Variants in PANX2 observed in about 807,000 individuals in gnomAD.
PANX2 encodes pannexin-2.
PANX2 carries 30 observed loss-of-function variants against 38.7 expected under a neutral mutation model. The ratio of observed to expected loss-of-function variants is 0.78; its 90% CI spans 0.58 to 1.05. The LOEUF (loss-of-function observed/expected upper bound fraction) is 1.05, where lower values mean the gene tolerates loss of function less well. Among genes scored for constraint, PANX2 ranks in the 50% least tolerant of loss-of-function variants. PANX2 has a pLI of 0.00. For synonymous variants in PANX2, 539 were observed against 472.1 expected (o/e 1.14, Z -1.84); for missense variants, 880 against 979.3 (o/e 0.90, Z 1.35).
Position 50,178,166 on chromosome 22 carries a change from A to T in PANX2, c.1454A>T (p.Lys485Met), listed in dbSNP as rs1228483729. The change falls in exon 2 of 3, where the codon AAG becomes ATG. Residue 485 changes from lysine to methionine, a missense_variant. Physicochemically the swap from Lys to Met is moderately conservative, Grantham distance 95. Around this residue, in one of 4 missense-constraint regions of PANX2, gnomAD observed 445 missense variants for 404.3 expected, o/e 1.10. Coordinates refer to ENST00000395842, the MANE Select transcript of PANX2 (RefSeq NM_052839.4). Reference protein sequence around the residue: ...PLLDRSAHHYKGGGGDPGPGP... With the variant: ...PLLDRSAHHYMGGGGDPGPGP... ...CTGGACCGCTCCGCCCACCACTACA[A>T]GGGCGGAGGGGGCGACCCGGGCCCC... 6.7e-7 allele frequency: 1 copy of T among 1,499,898 alleles called. No individual in the cohort carries two copies. The highest frequency in any genetic ancestry group is 8.8e-7 in the Non-Finnish European group (1 of 1,134,786). The allele number at this position is 1,499,898 out of a possible 1,614,324, so 92.9% of individuals were successfully genotyped here. A position where few individuals can be genotyped will look rare whatever the true frequency, so the allele number is the denominator to read the frequency against.
At position 50,179,413 on chromosome 22, in the gene PANX2, G is replaced by C. The variant is rs1435235764; in HGVS notation, c.*136G>C. The C allele has an allele frequency of 3.8e-6, 3 of 779,694 alleles. No homozygotes were observed. Among genetic ancestry groups the C allele is most frequent in the African/African-American group, 3.5e-5 (2 of 57,156 alleles). 48.3% of individuals were successfully genotyped at this position (779,694 alleles called of 1,614,324 possible). On this transcript the variant is annotated 3_prime_UTR_variant, in exon 3 of 3. Coordinates refer to ENST00000395842, the MANE Select transcript of PANX2 (RefSeq NM_052839.4). ...CTGCGCGCATCCCCAACCTCTGTCC[G>C]CATGCCTGGGGCCTTCGCCCCCACG... is the stretch of plus-strand genomic sequence containing the variant.
chr22:50,173,232 C>T (rs543259097), intron 1 of PANX2, among the ~76,000 whole-genome samples: 1 of 152,282 alleles, frequency 6.6e-6, no homozygotes, highest in African/African-American at 2.4e-5. Context: ...GGGGTTTTGC[C>T]ATGTTGGCCA....
Position 50,177,926 on chromosome 22 carries a change from T to C in PANX2, c.1214T>C (p.Val405Ala). The change falls in exon 2 of 3, where the codon GTG becomes GCG. Residue 405 changes from valine (V) to alanine (A), a missense_variant. Val to Ala is a moderately conservative substitution (Grantham distance 64). Around this residue, in one of 4 missense-constraint regions of PANX2, gnomAD observed 445 missense variants for 404.3 expected, o/e 1.10. Coordinates refer to ENST00000395842, the MANE Select transcript of PANX2 (RefSeq NM_052839.4). ...GTGCGCGACTCGGGGGTGCAGACCG[T>C]GGACCCCAGCGCCAACCCCGCCGAG... is the stretch of plus-strand genomic sequence containing the variant. Reference protein sequence around the residue: ...PTVRDSGVQTVDPSANPAEPD... With the variant: ...PTVRDSGVQTADPSANPAEPD... 5 of 1,531,142 alleles carry C rather than the reference T, an allele frequency of 3.3e-6. No homozygotes were observed. The highest frequency in any genetic ancestry group is 4.4e-6 in the Non-Finnish European group (5 of 1,143,122). 94.8% of individuals were successfully genotyped at this position (1,531,142 alleles called of 1,614,324 possible).
At position 50,179,866 on chromosome 22, in the gene PANX2, C is replaced by T. The variant is rs947347384; in HGVS notation, c.*589C>T. On this transcript the variant is annotated 3_prime_UTR_variant, in exon 3 of 3. Coordinates refer to ENST00000395842, the MANE Select transcript of PANX2 (RefSeq NM_052839.4). ...TGACAGACATTTTATTTTACTAAGACTGCTGTACCGAACAAGCATATTTAT... is the reference window on the plus strand; with the variant it reads ...TGACAGACATTTTATTTTACTAAGATTGCTGTACCGAACAAGCATATTTAT... 1.9e-5 allele frequency: 3 copies of T among 156,896 alleles called. No individual in the cohort carries two copies. The highest frequency in any genetic ancestry group is 1.2e-4 in the Admixed American group (2 of 16,268). 9.7% of individuals were successfully genotyped at this position (156,896 alleles called of 1,614,324 possible).
intron 1 of PANX2, 23 bp downstream of exon 1, chr22:50,170,979 G>C: frequency 1.4e-6 from 2 of 1,389,200 alleles, no homozygotes; most frequent in Non-Finnish European, 1.9e-6. Flanking sequence ...GCCGGGGCGC[G>C]GGGCGCGGGC....
intron 1 of PANX2, among the ~76,000 whole-genome samples, chr22:50,174,922 G>A (rs2063653974): frequency 6.6e-6 from 1 of 152,226 alleles, no homozygotes; most frequent in East Asian, 1.9e-4. Flanking sequence ...AGGACCTGCT[G>A]AGGCTGCCAG....
intron 1 of PANX2, among the ~76,000 whole-genome samples, chr22:50,174,305 A>G (rs2063650770): frequency 7.7e-6 from 1 of 130,594 alleles, no homozygotes. Flanking sequence ...TGGGCTGGAG[A>G]TGAGCTTGGG....
intron 1 of PANX2, among the ~76,000 whole-genome samples, chr22:50,174,194 C>T (rs1052007839): frequency 6.6e-6 from 1 of 152,164 alleles, no homozygotes; most frequent in Non-Finnish European, 1.5e-5. Context: ...GGTGTCCCCA[C>T]TCCCCAGGTG....
Position 50,178,190 on chromosome 22 carries a change from C to A in PANX2, c.1478C>A (p.Pro493His). Residue 493 changes from proline to histidine, a missense_variant, in exon 2 of 3, where the codon CCC becomes CAC. Around this residue, in one of 4 missense-constraint regions of PANX2, gnomAD observed 445 missense variants for 404.3 expected, o/e 1.10. Coordinates refer to ENST00000395842, the MANE Select transcript of PANX2 (RefSeq NM_052839.4). Reference protein sequence around the residue: ...HYKGGGGDPGPGPAPAPAPPP... With the variant: ...HYKGGGGDPGHGPAPAPAPPP... The stretch of plus-strand genomic sequence containing the variant: ...AAGGGCGGAGGGGGCGACCCGGGCC[C>A]CGGCCCCGCCCCTGCCCCCGCCCCG... The A allele has an allele frequency of 6.8e-7, 1 of 1,471,702 alleles. No homozygotes were observed. 91.2% of individuals were successfully genotyped at this position (1,471,702 alleles called of 1,614,324 possible).
chr22:50,177,557 C>G lies in PANX2; in HGVS notation c.845C>G (p.Pro282Arg). Reference protein sequence around the residue: ...GPAVRVSCKLPSVQLQRIIAG... With the variant: ...GPAVRVSCKLRSVQLQRIIAG... ...GCGGTGCGCGTGAGCTGCAAGCTCCCGTCCGTGCAACTGCAGCGCATCATC... is the reference window on the plus strand; with the variant it reads ...GCGGTGCGCGTGAGCTGCAAGCTCCGGTCCGTGCAACTGCAGCGCATCATC... Residue 282 changes from proline to arginine, a missense_variant, in exon 2 of 3, where the codon CCG becomes CGG. Pro to Arg is a moderately radical substitution (Grantham distance 103). Around this residue, in one of 4 missense-constraint regions of PANX2, gnomAD observed 114 missense variants for 108.8 expected, o/e 1.05. Coordinates refer to ENST00000395842, the MANE Select transcript of PANX2 (RefSeq NM_052839.4). 2 of 1,612,230 alleles carry G rather than the reference C, an allele frequency of 1.2e-6. No homozygotes were observed. The highest frequency in any genetic ancestry group is 1.7e-6 in the Non-Finnish European group (2 of 1,179,776).
rs554370643 is a variant in PANX2, at chr22:50,178,217, C to T, written c.1505C>T (p.Pro502Leu). The part of the protein sequence containing the change: ...GPGPAPAPAP[P>L]PAPDKKHARH... ...GGCCCCGCCCCTGCCCCCGCCCCGC[C>T]GCCCGCCCCTGACAAGAAGCACGCG... The change falls in exon 2 of 3, where the codon CCG becomes CTG. Residue 502 changes from proline to leucine, a missense_variant. Transcript: ENST00000395842. 1 of 1,471,456 alleles carries T rather than the reference C, an allele frequency of 6.8e-7. No homozygotes were observed. Among genetic ancestry groups the T allele is most frequent in the Non-Finnish European group, 8.9e-7 (1 of 1,121,874 alleles). 91.1% of individuals were successfully genotyped at this position (1,471,456 alleles called of 1,614,324 possible). A position where few individuals can be genotyped will look rare whatever the true frequency, so the allele number is the denominator to read the frequency against.
chr22:50,176,868 G>A lies in PANX2; in HGVS notation c.227-71G>A, dbSNP rs2063663739. ...AGGGGTTCGGCAGGGACGCGGTCAG[G>A]TCCAGCCCGGTTTCTTCAGCCCAGC... is the stretch of plus-strand genomic sequence containing the variant. On this transcript the variant is annotated intron_variant, in intron 1 of 2. Coordinates refer to ENST00000395842, the MANE Select transcript of PANX2 (RefSeq NM_052839.4). The A allele has an allele frequency of 2.1e-6, 3 of 1,430,570 alleles. No homozygotes were observed. The South Asian group carries it at 4.4e-5, about 21-fold the overall frequency. The allele number at this position is 1,430,570 out of a possible 1,614,324, so 88.6% of individuals were successfully genotyped here. A position where few individuals can be genotyped will look rare whatever the true frequency, so the allele number is the denominator to read the frequency against.
In PANX2 at chr22:50,179,669, C is replaced by T. The variant is rs1602404601; in HGVS notation, c.*392C>T. 1 of 207,120 alleles carries T rather than the reference C, an allele frequency of 4.8e-6. No homozygotes were observed. Among genetic ancestry groups the T allele is most frequent in the African/African-American group, 2.4e-5 (1 of 42,282 alleles). The allele number at this position is 207,120 out of a possible 1,614,324, so 12.8% of individuals were successfully genotyped here. A position where few individuals can be genotyped will look rare whatever the true frequency, so the allele number is the denominator to read the frequency against. The stretch of plus-strand genomic sequence containing the variant: ...CCCAACTCCCCCAGCCCAGCTCCCC[C>T]AGCCCAGAGCCAGGGAAGAGGAAGG... On this transcript the variant is annotated 3_prime_UTR_variant, in exon 3 of 3. Coordinates refer to ENST00000395842, the MANE Select transcript of PANX2 (RefSeq NM_052839.4).
chr22:50,179,968 C>A lies in PANX2; in HGVS notation c.*691C>A, dbSNP rs916311376. 5.2e-5 allele frequency: 8 copies of A among 153,154 alleles called. No individual in the cohort carries two copies. The highest frequency in any genetic ancestry group is 1.9e-4 in the African/African-American group (8 of 41,468). The allele number at this position is 153,154 out of a possible 1,614,324, so 9.5% of individuals were successfully genotyped here. A position where few individuals can be genotyped will look rare whatever the true frequency, so the allele number is the denominator to read the frequency against. On this transcript the variant is annotated 3_prime_UTR_variant, in exon 3 of 3. Coordinates refer to ENST00000395842, the MANE Select transcript of PANX2 (RefSeq NM_052839.4). ...ATGAGCAGAGGTGAGCGTGAGCGAG[C>A]GGGTGTGTATGTACGAGTGTGCACG...
chr22:50,172,099 T>A (rs1204644118), intron 1 of PANX2, among the ~76,000 whole-genome samples: 2 of 152,094 alleles, frequency 1.3e-5, no homozygotes, highest in Non-Finnish European at 2.9e-5. Flanking sequence ...CACAGCACAC[T>A]CTGCAGAGCA....
At position 50,179,146 on chromosome 22, in the gene PANX2, C is replaced by G. The variant is rs751270520; in HGVS notation, c.1903C>G (p.Arg635Gly). ...LLHINTLYEA[R>G]EEEDGGPRLP... is the part of the protein sequence containing the mutation. Reference sequence around the variant, plus strand: ...GCACATCAACACGCTGTACGAGGCCCGGGAGGAGGAGGACGGGGGCCCCCG... The same window carrying G: ...GCACATCAACACGCTGTACGAGGCCGGGGAGGAGGAGGACGGGGGCCCCCG... Residue 635 changes from arginine (R) to glycine (G), a missense_variant, in exon 3 of 3, where the codon CGG (arginine) becomes GGG (glycine). Arg to Gly is a moderately radical substitution (Grantham distance 125). Transcript: ENST00000395842. The G allele has an allele frequency of 9.9e-6, 16 of 1,611,358 alleles. No homozygotes were observed. Among genetic ancestry groups the G allele is most frequent in the Middle Eastern group, 3.6e-4 (2 of 5,514 alleles).
intron 1 of PANX2, chr22:50,175,480 T>G (rs1386247620): frequency 6.2e-6 from 8 of 1,290,024 alleles, no homozygotes; most frequent in Admixed American, 2.3e-5. Flanking sequence ...GGACAAAACA[T>G]AAGTAAATAA....
In PANX2 at chr22:50,177,225, C is replaced by T; in HGVS notation, c.513C>T (p.Gly171=). The change falls in exon 2 of 3, where the codon GGC becomes GGT. Residue 171 remains glycine, a synonymous_variant. Coordinates refer to ENST00000395842, the MANE Select transcript of PANX2 (RefSeq NM_052839.4). The part of the protein sequence containing the change: ...IDNCYHRAAE[G]RAPKIEKQIQ... ...ACTGTTACCACCGGGCGGCCGAGGG[C>T]CGCGCGCCCAAGATCGAGAAGCAGA... 1 of 1,611,084 alleles carries T rather than the reference C, an allele frequency of 6.2e-7. No individual in the cohort carries two copies. Among genetic ancestry groups the T allele is most frequent in the Non-Finnish European group, 8.5e-7 (1 of 1,179,126 alleles).
In PANX2 at chr22:50,177,406, G is replaced by A. The variant is rs752889492; in HGVS notation, c.694G>A (p.Val232Met). ...FLAKLYLARH[V>M]LILLLSAVPI... ...GGCCAAGCTGTACCTGGCGCGGCAC[G>A]TGCTGATCCTGCTGCTGAGCGCCGT... The change falls in exon 2 of 3, where the codon GTG becomes ATG. Residue 232 changes from valine to methionine, a missense_variant. Around this residue, in one of 4 missense-constraint regions of PANX2, gnomAD observed 243 missense variants for 333.1 expected, o/e 0.73. Transcript: ENST00000395842. The A allele has an allele frequency of 1.1e-5, 18 of 1,609,122 alleles. No individual in the cohort carries two copies. In the East Asian group the frequency reaches 2.0e-4, roughly 18 times the overall value.
Sources: allele counts gnomAD v4.1 joint callset (sites outside exome capture counted in the v4.1 genomes callset), GRCh38; gene constraint gnomAD v4.1.1; regional missense constraint gnomAD v4.1.1; transcripts MANE v1.5; gene names NCBI Gene and HGNC (gene_info 2026-07-23, HGNC 2026-07-21).